Variants in ROBO2 observed in about 807,000 individuals in gnomAD.
The protein encoded by ROBO2 is roundabout homolog 2.
Under a neutral mutation model 160.8 loss-of-function variants are expected in ROBO2, and 53 were observed. The observed-to-expected ratio is 0.33, with a 90% CI of 0.26 to 0.41. The LOEUF is 0.41. ROBO2 is among the 10% of genes least tolerant of loss of function. The pLI, the probability that ROBO2 is intolerant of heterozygous loss-of-function variation, is 1.00. For missense variants in ROBO2, 1,577 were observed against 1,722.4 expected (o/e 0.92, Z 1.49); for synonymous variants, 664 against 611.7 (o/e 1.09, Z -1.26).
intron 2 of ROBO2, among the ~76,000 whole-genome samples, chr3:76,565,952 C>T (rs2084491638): frequency 6.6e-6 from 1 of 152,142 alleles, no homozygotes; most frequent in Non-Finnish European, 1.5e-5. Context: ...ATCATCGTAG[C>T]CAACGGGTAT....
At chr3:77,478,464 T>A (rs138988251) in intron 3 of ROBO2, among the ~76,000 whole-genome samples, 1 of 152,286 alleles carries the variant, frequency 6.6e-6, no homozygotes, top group Non-Finnish European at 1.5e-5. Flanking sequence ...GATTCATCAG[T>A]TGATTAAAAT....
intron 20 of ROBO2, among the ~76,000 whole-genome samples, chr3:77,607,353 T>C (rs2094545236): frequency 6.6e-6 from 1 of 152,230 alleles, no homozygotes; most frequent in Admixed American, 6.5e-5. Flanking sequence ...CTTCCTGGAT[T>C]AATTAAATTG....
Position 76,165,346 on chromosome 3 carries a change from AT to A in ROBO2, c.109+227755del, listed in dbSNP as rs35750191. ...ATGAGCTAATTTCTGCTGGCTTCCC[AT>A]TTTTTTTTTTCTGTAGCTTCCTCAT... On this transcript the variant is annotated intron_variant, in intron 2 of 26. Coordinates refer to the ROBO2 transcript ENST00000487694. 3.8e-3 allele frequency among the ~76,000 whole-genome samples: 565 copies of A among 148,738 alleles called. 9 individuals carry two copies. The highest frequency in any genetic ancestry group is 0.027 in the Admixed American group (411 of 14,990).
chr3:77,523,857 A>G (rs967887776), intron 6 of ROBO2, among the ~76,000 whole-genome samples: 1 of 151,334 alleles, frequency 6.6e-6, no homozygotes, highest in African/African-American at 2.4e-5. Context: ...TCTCAGTTAC[A>G]TCTTACCCCA....
intron 2 of ROBO2, among the ~76,000 whole-genome samples, chr3:77,411,650 G>C (rs2076811617): frequency 6.6e-6 from 1 of 152,130 alleles, no homozygotes; most frequent in Non-Finnish European, 1.5e-5. Flanking sequence ...TAAATAATTT[G>C]TGTAAAAATG....
chr3:76,795,286 C>T (rs557568426), intron 2 of ROBO2, among the ~76,000 whole-genome samples: 1 of 152,132 alleles, frequency 6.6e-6, no homozygotes, highest in East Asian at 1.9e-4. Flanking sequence ...AAGCTTGCTG[C>T]ATCAATTGAC....
chr3:76,818,044 G>C (rs982692312), intron 2 of ROBO2, among the ~76,000 whole-genome samples: 2 of 151,950 alleles, frequency 1.3e-5, no homozygotes, highest in African/African-American at 4.8e-5. Flanking sequence ...TCAAGTGGTA[G>C]TTCTATTTTT....
At chr3:77,588,695 T>C in intron 16 of ROBO2, 56 bp from the exon 18 acceptor site, 2 of 1,513,288 alleles carry the variant, frequency 1.3e-6, no homozygotes, top group Non-Finnish European at 1.8e-6. Context: ...ACCATGTTTA[T>C]ATTCCTGTGC....
At chr3:77,236,973 A>G (rs2088090523) in intron 2 of ROBO2, among the ~76,000 whole-genome samples, 1 of 152,112 alleles carries the variant, frequency 6.6e-6, no homozygotes. Context: ...TCCTGGGCTC[A>G]AGCAATCCCC....
In ROBO2 at chr3:76,352,118, C is replaced by G. The variant is rs1427467827; in HGVS notation, c.109+414516C>G. Among the ~76,000 whole-genome samples, 4 of 152,006 alleles carry G rather than the reference C, an allele frequency of 2.6e-5. No homozygotes were observed. The East Asian group carries it at 5.8e-4, about 22-fold the overall frequency. On this transcript the variant is annotated intron_variant, in intron 2 of 26. Coordinates refer to the ROBO2 transcript ENST00000487694. ...GATGAAGTGTTGTCAACCTAGTAAG[C>G]AGAAGTACTTCATTCCCTGTAGACT...
chr3:77,562,591 G>C (rs1582962898), intron 9 of ROBO2, 60 bp from the exon 11 acceptor site: 2 of 1,190,210 alleles, frequency 1.7e-6, no homozygotes, highest in East Asian at 4.7e-5. Flanking sequence ...GGCTGTCATT[G>C]AGTAATTATT....
At chr3:76,912,731 C>T (rs2076067040) in intron 2 of ROBO2, among the ~76,000 whole-genome samples, 1 of 152,110 alleles carries the variant, frequency 6.6e-6, no homozygotes, top group South Asian at 2.1e-4. Flanking sequence ...GATAAAATTT[C>T]CGTTTCACTA....
chr3:76,380,926 A>G (rs944875100), intron 2 of ROBO2, among the ~76,000 whole-genome samples: 2 of 151,904 alleles, frequency 1.3e-5, no homozygotes, highest in Admixed American at 6.6e-5. Context: ...TCCAGGCAGT[A>G]TTTTTGATAT....
intron 2 of ROBO2, among the ~76,000 whole-genome samples, chr3:77,014,806 G>A (rs575571937): frequency 3.1e-4 from 47 of 152,198 alleles, no homozygotes; most frequent in Non-Finnish European, 6.2e-4. Context: ...AAGAAAGCCA[G>A]CTTACATGAA....
chr3:76,135,336 A>G (rs1346581425), intron 2 of ROBO2, among the ~76,000 whole-genome samples: 1 of 152,126 alleles, frequency 6.6e-6, no homozygotes, highest in East Asian at 1.9e-4. Flanking sequence ...GAGGAAACCT[A>G]GGCTGAAAAC....
chr3:77,249,627 T>TC (rs1474803276), intron 2 of ROBO2, among the ~76,000 whole-genome samples: 1 of 78,102 alleles, frequency 1.3e-5, no homozygotes, highest in East Asian at 5.4e-4. Context: ...TTACAACTTT[T>TC]TTTTTATTTA....
At chr3:76,454,505 G>A (rs1312849880) in intron 2 of ROBO2, among the ~76,000 whole-genome samples, 1 of 152,102 alleles carries the variant, frequency 6.6e-6, no homozygotes, top group Non-Finnish European at 1.5e-5. Context: ...AGGAGAGTAT[G>A]GTGGTTAGAA....
At chr3:77,640,560 T>G (rs2095337164) in intron 24 of ROBO2, among the ~76,000 whole-genome samples, 1 of 152,114 alleles carries the variant, frequency 6.6e-6, no homozygotes, top group Non-Finnish European at 1.5e-5. Flanking sequence ...TGGAGATTTT[T>G]AATTACTTTG....
At chr3:76,277,927 G>GTT (rs1298505467) in intron 2 of ROBO2, among the ~76,000 whole-genome samples, 2 of 140,350 alleles carry the variant, frequency 1.4e-5, no homozygotes, top group African/African-American at 2.6e-5. Flanking sequence ...ACAGTTTTTT[G>GTT]TTTTTTTTTT....
Sources: gnomAD v4.1 joint callset for allele counts (sites outside exome capture counted in the v4.1 genomes callset) on GRCh38, gnomAD v4.1.1 for gene constraint, MANE v1.5 for transcripts, NCBI Gene and HGNC (gene_info 2026-07-23, HGNC 2026-07-21) for gene names.